Variants in SUMF1 observed in about 807,000 individuals in gnomAD.
SUMF1 encodes formylglycine-generating enzyme.
SUMF1 carries 48 observed loss-of-function variants against 47.6 expected under a neutral mutation model. The observed-to-expected ratio is 1.01, with a 90% CI of 0.80 to 1.28. The LOEUF (loss-of-function observed/expected upper bound fraction) is 1.28. SUMF1 is among the 50% of genes most tolerant of loss of function. SUMF1 has a pLI of 0.00. For missense variants in SUMF1, 571 were observed against 485.4 expected (o/e 1.18, Z -1.66); for synonymous variants, 230 against 192.1 (o/e 1.20, Z -1.63).
At chr3:4,177,071 C>G (rs1229939202) in intron 8 of SUMF1, among the ~76,000 whole-genome samples, 2 of 152,098 alleles carry the variant, frequency 1.3e-5, no homozygotes, top group African/African-American at 4.8e-5. Context: ...GAGACTCAGA[C>G]TCCCACACAA....
intron 8 of SUMF1, among the ~76,000 whole-genome samples, chr3:4,255,152 G>A (rs1181968350): frequency 2.0e-5 from 3 of 149,374 alleles, no homozygotes; most frequent in African/African-American, 4.9e-5. Flanking sequence ...ACCAGCCGCT[G>A]CAAAATCATG....
At chr3:4,378,426 C>T (rs537628743) in intron 7 of SUMF1, among the ~76,000 whole-genome samples, 16 of 152,284 alleles carry the variant, frequency 1.1e-4, no homozygotes, top group African/African-American at 3.9e-4. Context: ...ACTGTCTGTG[C>T]TTAGAAACTA....
At chr3:4,116,970 T>C (rs1693436276) in intron 8 of SUMF1, among the ~76,000 whole-genome samples, 1 of 152,084 alleles carries the variant, frequency 6.6e-6, no homozygotes, top group Non-Finnish European at 1.5e-5. Context: ...TAATGAATGC[T>C]AGGTGAACAA....
chr3:4,075,046 A>G (rs867913189), intron 8 of SUMF1, among the ~76,000 whole-genome samples: 2 of 152,164 alleles, frequency 1.3e-5, no homozygotes, highest in African/African-American at 4.8e-5. Context: ...AACAAAAAAA[A>G]GGGAATTTTA....
At chr3:4,265,822 G>A (rs1275957713) in intron 8 of SUMF1, among the ~76,000 whole-genome samples, 2 of 152,128 alleles carry the variant, frequency 1.3e-5, no homozygotes, top group African/African-American at 4.8e-5. Flanking sequence ...TGTCCTCAAT[G>A]GTAATGCCTA....
intron 8 of SUMF1, chr3:4,313,444 G>A: frequency 6.2e-7 from 1 of 1,613,990 alleles, no homozygotes; most frequent in Non-Finnish European, 8.5e-7. Context: ...GATGATTCCT[G>A]TCCGAATTGA....
intron 8 of SUMF1, among the ~76,000 whole-genome samples, chr3:4,122,130 G>C (rs1366253167): frequency 6.6e-6 from 1 of 151,880 alleles, no homozygotes; most frequent in African/African-American, 2.4e-5. Flanking sequence ...TGGACATTTA[G>C]GTTGATTCCA....
chr3:4,096,407 A>T (rs1431765788), intron 8 of SUMF1, among the ~76,000 whole-genome samples: 1 of 152,148 alleles, frequency 6.6e-6, no homozygotes, highest in Non-Finnish European at 1.5e-5. Flanking sequence ...AAGTTTTAAA[A>T]TGAATAATAA....
rs73806934 is a variant in SUMF1, at chr3:4,219,289, C to T, written c.1015-150544G>A. ...TTTCACATATTTGATCCTTACAAAT[C>T]AATGAAGAGGCAGAGGAGGTATTGC... On this transcript the variant is annotated intron_variant and NMD_transcript_variant, in intron 8 of 12. Coordinates refer to the SUMF1 transcript ENST00000448413. Among the ~76,000 whole-genome samples, 805 of 152,280 alleles carry T rather than the reference C, an allele frequency of 5.3e-3. 9 individuals are homozygous for T. The highest frequency in any genetic ancestry group is 0.018 in the African/African-American group (760 of 41,552).
chr3:4,238,278 T>C (rs912916094), intron 8 of SUMF1, among the ~76,000 whole-genome samples: 1 of 152,176 alleles, frequency 6.6e-6, no homozygotes, highest in Non-Finnish European at 1.5e-5. Flanking sequence ...TTATATTCCT[T>C]TGGGTATATA....
At chr3:4,225,633 A>C (rs1191590207) in intron 8 of SUMF1, among the ~76,000 whole-genome samples, 1 of 152,148 alleles carries the variant, frequency 6.6e-6, no homozygotes, top group African/African-American at 2.4e-5. Context: ...TCAAATGACC[A>C]AAACCCATGG....
At chr3:4,382,937 G>C (rs981542588) in intron 7 of SUMF1, among the ~76,000 whole-genome samples, 6 of 152,154 alleles carry the variant, frequency 3.9e-5, no homozygotes, top group Non-Finnish European at 8.8e-5. Context: ...AGAGACTAGG[G>C]GAGGGATAGC....
intron 8 of SUMF1, among the ~76,000 whole-genome samples, chr3:4,307,655 C>T (rs960774189): frequency 6.6e-6 from 1 of 152,166 alleles, no homozygotes; most frequent in African/African-American, 2.4e-5. Flanking sequence ...GATTGTTTTG[C>T]ATTTATTCCT....
chr3:4,090,081 C>G (rs1022551177), intron 8 of SUMF1, among the ~76,000 whole-genome samples: 1 of 152,190 alleles, frequency 6.6e-6, no homozygotes, highest in African/African-American at 2.4e-5. Context: ...ATTCCCAGCA[C>G]TAGCACAGTG....
At chr3:4,356,389 C>T (rs899500185), downstream of SUMF1, among the ~76,000 whole-genome samples, 13 of 152,224 alleles carry the variant, frequency 8.5e-5, no homozygotes, top group South Asian at 2.1e-4. Context: ...CTGAGATCAC[C>T]GATGGCTGTT....
chr3:4,325,862 G>C (rs769010077), intron 8 of SUMF1, among the ~76,000 whole-genome samples: 74 of 152,056 alleles, frequency 4.9e-4, no homozygotes, highest in Non-Finnish European at 8.1e-4. Context: ...AATAAAGCTA[G>C]AATCTAACAG....
chr3:4,441,952 A>G (rs146899474), intron 3 of SUMF1, among the ~76,000 whole-genome samples: 123 of 152,368 alleles, frequency 8.1e-4, no homozygotes, highest in African/African-American at 2.5e-3. Context: ...CCATGTGACA[A>G]AGTATCCTCA....
intron 8 of SUMF1, among the ~76,000 whole-genome samples, chr3:4,371,727 T>G (rs1005274296): frequency 6.6e-6 from 1 of 152,218 alleles, no homozygotes; most frequent in Non-Finnish European, 1.5e-5. Flanking sequence ...TACTACGTAT[T>G]AATTCACTTA....
intron 1 of SUMF1, among the ~76,000 whole-genome samples, chr3:4,458,236 G>A (rs1182845640): frequency 2.0e-5 from 3 of 152,180 alleles, no homozygotes; most frequent in African/African-American, 4.8e-5. Flanking sequence ...GATAACAAGT[G>A]TTGGAGAAGA....
Sources: allele counts gnomAD v4.1 joint callset (sites outside exome capture counted in the v4.1 genomes callset), GRCh38; gene constraint gnomAD v4.1.1; transcripts MANE v1.5; gene names NCBI Gene and HGNC (gene_info 2026-07-23, HGNC 2026-07-21).